Variants in CPVL observed in about 807,000 individuals in gnomAD.
CPVL encodes probable serine carboxypeptidase CPVL.
Under a neutral mutation model 63.7 loss-of-function variants are expected in CPVL, and 51 were observed. The ratio of observed to expected loss-of-function variants is 0.80; its 90% CI spans 0.64 to 1.01. The LOEUF is 1.01. Among genes scored for constraint, CPVL ranks in the 50% least tolerant of loss-of-function variants. The pLI, the probability that CPVL is intolerant of heterozygous loss-of-function variation, is 0.00. For synonymous variants in CPVL, 195 were observed against 206.0 expected (o/e 0.95, Z 0.46); for missense variants, 530 against 573.1 (o/e 0.92, Z 0.77).
At chr7:29,066,866 G>C (rs1467061788) in intron 9 of CPVL, among the ~76,000 whole-genome samples, 1 of 152,246 alleles carries the variant, frequency 6.6e-6, no homozygotes, top group Non-Finnish European at 1.5e-5. Flanking sequence ...CAGCCTGACA[G>C]AGAGGCAGAT....
chr7:29,020,138 G>A (rs1786813982), intron 12 of CPVL, among the ~76,000 whole-genome samples: 1 of 152,170 alleles, frequency 6.6e-6, no homozygotes, highest in African/African-American at 2.4e-5. Flanking sequence ...TTTATGCAAA[G>A]AGCCAAGCAG....
intron 7 of CPVL, among the ~76,000 whole-genome samples, chr7:29,080,969 C>T (rs1784653286): frequency 6.6e-6 from 1 of 152,230 alleles, no homozygotes; most frequent in African/African-American, 2.4e-5. Context: ...ACCACATGCC[C>T]TGCTAGTTTG....
chr7:29,119,934 T>C (rs1006339767), intron 2 of CPVL, among the ~76,000 whole-genome samples: 2 of 152,180 alleles, frequency 1.3e-5, no homozygotes, highest in African/African-American at 2.4e-5. Flanking sequence ...AATAAGTTCA[T>C]GCAGAAAGCT....
In CPVL at chr7:29,071,725, CAGATGGTTTTAATTGCTCAAGGGCAGCA is replaced by C; in HGVS notation, c.864+20_864+47del. The C allele has an allele frequency of 1.4e-6, 2 of 1,444,870 alleles. No homozygotes were observed. Among genetic ancestry groups the C allele is most frequent in the Non-Finnish European group, 9.4e-7 (1 of 1,062,064 alleles). 89.5% of individuals were successfully genotyped at this position (1,444,870 alleles called of 1,614,324 possible). ...TTCCTGCTCACCCGCCCTCCCTCCC[CAGATGGTTTTAATTGCTCAAGGGCAGCA>C]CAGGGCCCCCAGAACTCACTTCAAA... On this transcript the variant is annotated intron_variant, in intron 9 of 12. Transcript: ENST00000265394.
chr7:29,169,512 T>A (rs1352431053), intron 5 of CPVL, among the ~76,000 whole-genome samples: 4 of 152,216 alleles, frequency 2.6e-5, no homozygotes, highest in Admixed American at 2.0e-4. Context: ...GTTTTGTTAT[T>A]GTTATATTAT....
chr7:29,169,491 T>C (rs1313921180), intron 5 of CPVL, among the ~76,000 whole-genome samples: 4 of 152,216 alleles, frequency 2.6e-5, no homozygotes, highest in Admixed American at 1.3e-4. Flanking sequence ...ATGTTAAAAA[T>C]AAATACAACT....
In CPVL at chr7:29,112,832, G is replaced by A. The variant is rs774551738; in HGVS notation, c.170-10C>T. The A allele has an allele frequency of 3.2e-6, 5 of 1,564,204 alleles. No homozygotes were observed. The Admixed American group carries it at 5.1e-5, about 16-fold the overall frequency. ...AAACTCAATTCTCTTCCTAGTGGGG[G>A]AAAAAAAATTTACCCAAGGATTACA... is the stretch of plus-strand genomic sequence containing the variant. On this transcript the variant is annotated splice_polypyrimidine_tract_variant and intron_variant, in intron 2 of 12. Coordinates refer to ENST00000265394, the MANE Select transcript of CPVL (RefSeq NM_031311.5).
chr7:29,008,368 T>C (rs1014814440), intron 12 of CPVL, among the ~76,000 whole-genome samples: 1 of 152,170 alleles, frequency 6.6e-6, no homozygotes, highest in Non-Finnish European at 1.5e-5. Context: ...ACAGTTAAAC[T>C]TGCATTTTGG....
chr7:28,996,530 A>T (rs1386729490), intron 12 of CPVL, among the ~76,000 whole-genome samples: 2 of 146,878 alleles, frequency 1.4e-5, no homozygotes, highest in Admixed American at 1.4e-4. Context: ...CCCATCTCTT[A>T]AAAAAAAAAA....
At position 29,075,017 on chromosome 7, in the gene CPVL, A is replaced by G. The variant is rs192300121; in HGVS notation, c.610-2594T>C. On this transcript the variant is annotated intron_variant, in intron 7 of 12. Coordinates refer to ENST00000265394, the MANE Select transcript of CPVL (RefSeq NM_031311.5). ...ATGACTTATCTGGCATTACTTCTAAATACTTTTCCCCTATCAGAAATTGGT... is the reference window on the plus strand; with the variant it reads ...ATGACTTATCTGGCATTACTTCTAAGTACTTTTCCCCTATCAGAAATTGGT... Among the ~76,000 whole-genome samples the G allele has an allele frequency of 1.4e-3, 208 of 152,248 alleles. 1 individual carries two copies. Among genetic ancestry groups the G allele is most frequent in the African/African-American group, 3.9e-3 (163 of 41,536 alleles).
chr7:29,128,984 C>G (rs1038157926), intron 1 of CPVL, among the ~76,000 whole-genome samples: 25 of 152,192 alleles, frequency 1.6e-4, no homozygotes, highest in African/African-American at 6.0e-4. Context: ...AGAGTCTTAT[C>G]TTCCTTCATC....
At chr7:29,143,892 C>T (rs377628002) in intron 1 of CPVL, among the ~76,000 whole-genome samples, 48 of 152,300 alleles carry the variant, frequency 3.2e-4, no homozygotes, top group East Asian at 1.7e-3. Flanking sequence ...AAGGTTATAC[C>T]TCTAATATCT....
chr7:29,005,782 T>A (rs1250620138), intron 12 of CPVL, among the ~76,000 whole-genome samples: 1 of 152,240 alleles, frequency 6.6e-6, no homozygotes, highest in Non-Finnish European at 1.5e-5. Flanking sequence ...GTAATCAAGA[T>A]TTCCCATCCT....
In CPVL at chr7:29,142,772, C is replaced by T. The variant is rs542960282; in HGVS notation, c.-11+3657G>A. On this transcript the variant is annotated intron_variant, in intron 1 of 12. Transcript: ENST00000265394. ...AACTCCTGACCTCAGGTGATCTGCC[C>T]GCCTCAGCCTCCCAAAGTGCTGGGA... Among the ~76,000 whole-genome samples the T allele has an allele frequency of 2.6e-5, 4 of 152,174 alleles. No individual in the cohort carries two copies. In the South Asian group the frequency reaches 6.2e-4, roughly 24 times the overall value.
intron 11 of CPVL, among the ~76,000 whole-genome samples, chr7:29,061,183 G>C (rs564853624): frequency 3.9e-4 from 60 of 152,272 alleles, no homozygotes; most frequent in Non-Finnish European, 6.6e-4. Context: ...CGAGGCGGGT[G>C]GATCACCTGA....
intron 3 of CPVL, among the ~76,000 whole-genome samples, chr7:29,107,098 G>A (rs1282009387): frequency 1.3e-5 from 2 of 152,218 alleles, no homozygotes; most frequent in Non-Finnish European, 2.9e-5. Context: ...GGCTGTTTGA[G>A]TGCCCTCCCA....
chr7:29,181,429 A>T lies in CPVL; in HGVS notation c.-133-17T>A, dbSNP rs571812321. Reference sequence around the variant, plus strand: ...CAATCAAGCCTAAGAAAATAAACAGAAAGGCACATATAGATTTATGTGTAA... The same window carrying T: ...CAATCAAGCCTAAGAAAATAAACAGTAAGGCACATATAGATTTATGTGTAA... On this transcript the variant is annotated splice_polypyrimidine_tract_variant and intron_variant, in intron 4 of 16. Transcript: ENST00000409850. 6 of 152,346 alleles carry T rather than the reference A, an allele frequency of 3.9e-5. No individual in the cohort carries two copies. The South Asian group carries it at 1.2e-3, about 32-fold the overall frequency. The allele number at this position is 152,346 out of a possible 1,614,324, so 9.4% of individuals were successfully genotyped here.
chr7:29,169,752 G>T (rs1189863193), intron 5 of CPVL, among the ~76,000 whole-genome samples: 3 of 151,934 alleles, frequency 2.0e-5, no homozygotes, highest in African/African-American at 7.3e-5. Context: ...ACCACTGTTT[G>T]CTCAGTCAGA....
intron 7 of CPVL, among the ~76,000 whole-genome samples, chr7:29,076,126 C>T (rs898160694): frequency 1.3e-5 from 2 of 151,966 alleles, no homozygotes; most frequent in Admixed American, 6.6e-5. Context: ...TTATAGAACC[C>T]CATATTTCAG....
Sources: gnomAD v4.1 joint callset for allele counts (sites outside exome capture counted in the v4.1 genomes callset) on GRCh38, gnomAD v4.1.1 for gene constraint, MANE v1.5 for transcripts, NCBI Gene and HGNC (gene_info 2026-07-23, HGNC 2026-07-21) for gene names.